The following NRG3 variants were observed in gnomAD, a reference collection of about 807,000 sequenced individuals.
The protein encoded by NRG3 is neuregulin 3.
A neutral mutation model predicts 66.9 loss-of-function variants in NRG3; 31 were observed. The ratio of observed to expected loss-of-function variants is 0.46; its 90% CI spans 0.35 to 0.63. The LOEUF (loss-of-function observed/expected upper bound fraction) is 0.63, where lower values mean the gene tolerates loss of function less well. Among genes scored for constraint, NRG3 ranks in the 20% least tolerant of loss-of-function variants. NRG3 has a pLI of 0.00. For synonymous variants in NRG3, 393 were observed against 359.4 expected, an observed-to-expected ratio of 1.09 and a Z score of -1.06; for missense variants, 910 against 878.9, an observed-to-expected ratio of 1.04 and a Z score of -0.45.
intron 1 of NRG3, among the ~76,000 whole-genome samples, chr10:82,172,060 C>T (rs2072662539): frequency 1.3e-5 from 2 of 152,024 alleles, no homozygotes; most frequent in African/African-American, 2.4e-5. Flanking sequence ...GAAAATGCCC[C>T]GTATCACATC....
intron 1 of NRG3, among the ~76,000 whole-genome samples, chr10:82,222,488 G>T (rs2075986038): frequency 6.6e-6 from 1 of 152,152 alleles, no homozygotes; most frequent in Admixed American, 6.5e-5. Context: ...TCTAGACCCA[G>T]TTGATTAGAC....
chr10:82,010,775 G>A (rs2061544623), intron 1 of NRG3, among the ~76,000 whole-genome samples: 5 of 152,180 alleles, frequency 3.3e-5, no homozygotes, highest in African/African-American at 1.2e-4. Context: ...TCCTTTCTAA[G>A]CACAGGACTC....
In NRG3 at chr10:82,506,205, G is replaced by A. The variant is rs570587868; in HGVS notation, c.953+147337G>A. 5.3e-5 allele frequency among the ~76,000 whole-genome samples: 8 copies of A among 152,286 alleles called. No homozygotes were observed. The South Asian group carries it at 1.0e-3, about 20-fold the overall frequency. ...AGAGGTTGCAGTGAGTCGAGATTGC[G>A]CCACTGCACTCCAGCCTAAGCCATA... is the stretch of plus-strand genomic sequence containing the variant. On this transcript the variant is annotated intron_variant, in intron 2 of 8. Transcript: ENST00000372141.
intron 2 of NRG3, among the ~76,000 whole-genome samples, chr10:82,390,580 T>C (rs923895530): frequency 6.6e-6 from 1 of 152,156 alleles, no homozygotes; most frequent in African/African-American, 2.4e-5. Context: ...ATAATGCTCT[T>C]TTACTTTCAA....
At chr10:82,115,261 C>G (rs1006517119) in intron 1 of NRG3, among the ~76,000 whole-genome samples, 3 of 152,060 alleles carry the variant, frequency 2.0e-5, no homozygotes, top group Non-Finnish European at 4.4e-5. Flanking sequence ...CCCCACCTCT[C>G]CCTAGATACT....
At chr10:81,959,291 C>A (rs571337963) in intron 1 of NRG3, among the ~76,000 whole-genome samples, 1 of 152,278 alleles carries the variant, frequency 6.6e-6, no homozygotes, top group East Asian at 1.9e-4. Flanking sequence ...GAAACAAATA[C>A]TACCCCCAAG....
intron 3 of NRG3, among the ~76,000 whole-genome samples, chr10:82,775,155 GT>G (rs1337843155): frequency 2.7e-5 from 4 of 150,352 alleles, no homozygotes; most frequent in African/African-American, 9.7e-5. Context: ...ATAAATTTGG[GT>G]TTAGTTTCGC....
rs1306177463 is a variant in NRG3 at position 82,561,186 on chromosome 10, A to G, written c.954-177391A>G. 3.9e-5 allele frequency among the ~76,000 whole-genome samples: 6 copies of G among 152,328 alleles called. No individual in the cohort carries two copies. In the East Asian group the frequency reaches 1.2e-3, roughly 29 times the overall value. ...AAAGCTAGACTTAGGAAAAGGAAGT[A>G]TGTTGTTTTAATGCCTCTTGGGGGA... is the stretch of plus-strand genomic sequence containing the variant. On this transcript the variant is annotated intron_variant, in intron 2 of 8. Transcript: ENST00000372141.
intron 3 of NRG3, among the ~76,000 whole-genome samples, chr10:82,785,905 T>A (rs148359756): frequency 0.015 from 2,331 of 152,294 alleles, 25 homozygotes; most frequent in Non-Finnish European, 0.021. Flanking sequence ...AGGTTCTGTT[T>A]GTCAAGACAA....
intron 5 of NRG3, among the ~76,000 whole-genome samples, chr10:82,954,761 C>A (rs1458738687): frequency 6.7e-6 from 1 of 150,226 alleles, no homozygotes. Context: ...ATTTATATTG[C>A]TAAAAGCAAT....
At chr10:82,771,316 T>C (rs558117547) in intron 3 of NRG3, among the ~76,000 whole-genome samples, 1 of 152,212 alleles carries the variant, frequency 6.6e-6, no homozygotes, top group East Asian at 1.9e-4. Flanking sequence ...CGTTAAAAAA[T>C]GAAATGTTTT....
intron 1 of NRG3, among the ~76,000 whole-genome samples, chr10:81,942,972 T>A (rs916887835): frequency 6.6e-6 from 1 of 152,182 alleles, no homozygotes; most frequent in African/African-American, 2.4e-5. Flanking sequence ...ATAAGAACAT[T>A]TTCTACCGGC....
At chr10:82,629,147 C>T (rs1176017464) in intron 2 of NRG3, among the ~76,000 whole-genome samples, 2 of 152,150 alleles carry the variant, frequency 1.3e-5, no homozygotes, top group African/African-American at 4.8e-5. Flanking sequence ...GGGATCAGTA[C>T]AGGCTGTGCA....
intron 1 of NRG3, among the ~76,000 whole-genome samples, chr10:82,288,261 A>G (rs1402693354): frequency 6.6e-6 from 1 of 152,120 alleles, no homozygotes; most frequent in South Asian, 2.1e-4. Flanking sequence ...CACTTACATT[A>G]ATTTATTTAA....
chr10:82,191,281 G>T (rs1341372140), intron 1 of NRG3, among the ~76,000 whole-genome samples: 1 of 152,062 alleles, frequency 6.6e-6, no homozygotes, highest in Non-Finnish European at 1.5e-5. Context: ...GTTTTATCTA[G>T]GTCACAGAAT....
chr10:82,911,412 TATTA>T (rs1023025993), intron 4 of NRG3, among the ~76,000 whole-genome samples: 15 of 152,124 alleles, frequency 9.9e-5, no homozygotes, highest in Non-Finnish European at 5.9e-5. Context: ...AGTTACAAGC[TATTA>T]ATTTAATTCT....
intron 2 of NRG3, among the ~76,000 whole-genome samples, chr10:82,637,263 G>T (rs1469080148): frequency 6.6e-6 from 1 of 152,072 alleles, no homozygotes; most frequent in Non-Finnish European, 1.5e-5. Context: ...CCAAATTTGG[G>T]ATGAATTGAG....
At chr10:82,234,565 C>T (rs1358920661) in intron 1 of NRG3, among the ~76,000 whole-genome samples, 2 of 152,190 alleles carry the variant, frequency 1.3e-5, no homozygotes, top group Admixed American at 6.5e-5. Flanking sequence ...TAGACACATG[C>T]AGGACATACC....
At chr10:82,315,556 T>C (rs1258824574) in intron 1 of NRG3, among the ~76,000 whole-genome samples, 1 of 152,168 alleles carries the variant, frequency 6.6e-6, no homozygotes. Flanking sequence ...GGTGCCGTCT[T>C]TGAAGGATGA....
Sources: gnomAD v4.1 joint callset for allele counts (sites outside exome capture counted in the v4.1 genomes callset) on GRCh38, gnomAD v4.1.1 for gene constraint, MANE v1.5 for transcripts, NCBI Gene and HGNC (gene_info 2026-07-23, HGNC 2026-07-21) for gene names.